The following ZBBX variants were observed in gnomAD, a reference collection of about 807,000 sequenced individuals.
ZBBX encodes zinc finger B-box domain containing, also known as zinc finger B-box domain-containing protein 1.
A neutral mutation model predicts 108.5 loss-of-function variants in ZBBX; 101 were observed. The ratio of observed to expected loss-of-function variants is 0.93; its 90% CI spans 0.79 to 1.10. ZBBX has a LOEUF of 1.10. ZBBX is among the 50% of genes least tolerant of loss of function. The pLI is 0.00. For missense variants in ZBBX, 1,009 were observed against 941.4 expected (o/e 1.07, Z -0.94); for synonymous variants, 356 against 323.4 (o/e 1.10, Z -1.08).
At chr3:167,399,611 G>A (rs1748354777) in intron 1 of ZBBX, 1 of 152,106 alleles carries the variant, frequency 6.6e-6, no homozygotes, top group Admixed American at 6.5e-5. Flanking sequence ...TGCCATAGGG[G>A]GAGACCTTAG....
intron 20 of ZBBX, among the ~76,000 whole-genome samples, chr3:167,275,228 C>T (rs1727305197): frequency 6.6e-6 from 1 of 151,994 alleles, no homozygotes; most frequent in South Asian, 2.1e-4. Context: ...TCTATGTTTA[C>T]TTATGATATA....
At chr3:167,212,295 G>A in the ZBBX span, among the ~76,000 whole-genome samples, 7 of 152,070 alleles carry the variant, frequency 4.6e-5, no homozygotes, top group Non-Finnish European at 8.8e-5. Flanking sequence ...TCTTCTCACC[G>A]AGCAGTTCTT....
intron 18 of ZBBX, among the ~76,000 whole-genome samples, chr3:167,290,280 C>T (rs1187056029): frequency 1.3e-5 from 2 of 152,128 alleles, no homozygotes; most frequent in East Asian, 1.9e-4. Context: ...CAGCAGAGGC[C>T]GACAGACACC....
intron 18 of ZBBX, among the ~76,000 whole-genome samples, chr3:167,292,073 C>A (rs1393280260): frequency 2.0e-5 from 3 of 152,120 alleles, no homozygotes; most frequent in Non-Finnish European, 2.9e-5. Flanking sequence ...TTGGAGACTA[C>A]AAAGAGATGT....
the ZBBX span, among the ~76,000 whole-genome samples, chr3:167,215,360 C>T: frequency 6.6e-6 from 1 of 152,076 alleles, no homozygotes; most frequent in East Asian, 1.9e-4. Context: ...CCTCTATGTA[C>T]ACAAACTAGA....
intron 20 of ZBBX, among the ~76,000 whole-genome samples, chr3:167,275,273 G>A (rs1001070987): frequency 2.0e-5 from 3 of 152,112 alleles, no homozygotes; most frequent in African/African-American, 7.2e-5. Flanking sequence ...CACTTGGGAG[G>A]AGCCAAGATG....
intron 20 of ZBBX, among the ~76,000 whole-genome samples, chr3:167,269,320 C>T (rs1018764914): frequency 1.3e-5 from 2 of 152,184 alleles, no homozygotes; most frequent in African/African-American, 4.8e-5. Flanking sequence ...AAGCAAAAGT[C>T]TTAGAAAGTA....
At chr3:167,229,414 T>C in the ZBBX span, among the ~76,000 whole-genome samples, 1 of 151,910 alleles carries the variant, frequency 6.6e-6, no homozygotes, top group Non-Finnish European at 1.5e-5. Flanking sequence ...ATAAATTGCT[T>C]GAGGCAGAAT....
chr3:167,327,750 C>T (rs1425302639), intron 11 of ZBBX, among the ~76,000 whole-genome samples, 192 bp downstream of exon 11: 1 of 151,826 alleles, frequency 6.6e-6, no homozygotes, highest in Admixed American at 6.6e-5. Context: ...CCCGTCTCTA[C>T]TAAAAATACA....
At chr3:167,320,716 G>A (rs756258413) in intron 12 of ZBBX, among the ~76,000 whole-genome samples, 8 of 151,986 alleles carry the variant, frequency 5.3e-5, no homozygotes, top group Non-Finnish European at 1.0e-4. Flanking sequence ...TCTGTAATAA[G>A]ATATATTGAC....
At chr3:167,225,356 A>G in the ZBBX span, among the ~76,000 whole-genome samples, 3 of 151,876 alleles carry the variant, frequency 2.0e-5, no homozygotes, top group Non-Finnish European at 2.9e-5. Flanking sequence ...TGTCTTCACC[A>G]TCATCACGAA....
intron 20 of ZBBX, among the ~76,000 whole-genome samples, chr3:167,263,708 G>T (rs1724985665): frequency 6.6e-6 from 1 of 152,192 alleles, no homozygotes; most frequent in Admixed American, 6.5e-5. Context: ...TGGATGAAAT[G>T]TTCTGTAAAT....
At chr3:167,281,134 G>C (rs1175924575) in intron 20 of ZBBX, among the ~76,000 whole-genome samples, 1 of 152,064 alleles carries the variant, frequency 6.6e-6, no homozygotes, top group Non-Finnish European at 1.5e-5. Flanking sequence ...CGATAGCATT[G>C]GGCAATATAC....
chr3:167,344,107 A>G (rs959472827), intron 9 of ZBBX, among the ~76,000 whole-genome samples: 2 of 151,926 alleles, frequency 1.3e-5, no homozygotes, highest in Non-Finnish European at 2.9e-5. Context: ...AAGTAAAAGA[A>G]GCCACTCATA....
rs368088387 is a variant in ZBBX, at chr3:167,368,494, C to T, written c.149G>A (p.Arg50Gln). 7.4e-6 allele frequency: 12 copies of T among 1,611,954 alleles called. No individual in the cohort carries two copies. The African/African-American group carries it at 8.0e-5, about 11-fold the overall frequency. The change falls in exon 5 of 22, where the codon CGA becomes CAA. Residue 50 changes from arginine (R) to glutamine (Q), a missense_variant. By Grantham distance (43) the Arg-to-Gln change is conservative. Coordinates refer to ENST00000675490, the MANE Select transcript of ZBBX (RefSeq NM_001199201.2). ...TTCCTTTTCTTTGTTTCTTGTGGAT[C>T]GGAATTCTTGCAGTTTCTTCTCCAT... Reference protein sequence around the residue: ...QEMEKKLQEFRSTRNKEKEDR... With the variant: ...QEMEKKLQEFQSTRNKEKEDR...
At chr3:167,183,186 G>C in the ZBBX span, among the ~76,000 whole-genome samples, 1 of 152,142 alleles carries the variant, frequency 6.6e-6, no homozygotes, top group Non-Finnish European at 1.5e-5. Flanking sequence ...CACCTCTTCT[G>C]TTACTTCGTT....
intron 4 of ZBBX, among the ~76,000 whole-genome samples, chr3:167,371,450 T>C (rs918178315): frequency 1.3e-5 from 2 of 152,178 alleles, no homozygotes; most frequent in Non-Finnish European, 2.9e-5. Flanking sequence ...CCTAGTCCCT[T>C]GCCTTTACAC....
At chr3:167,358,528 T>C (rs1743964183) in intron 8 of ZBBX, among the ~76,000 whole-genome samples, 1 of 152,200 alleles carries the variant, frequency 6.6e-6, no homozygotes, top group African/African-American at 2.4e-5. Context: ...TTATGTTATA[T>C]GTATTTCACT....
intron 8 of ZBBX, among the ~76,000 whole-genome samples, chr3:167,352,348 T>C (rs1414840608): frequency 2.0e-5 from 3 of 152,114 alleles, no homozygotes; most frequent in Non-Finnish European, 4.4e-5. Context: ...CAGAGACTAC[T>C]ATGAGCATCT....
Sources: allele counts gnomAD v4.1 joint callset (sites outside exome capture counted in the v4.1 genomes callset), GRCh38; gene constraint gnomAD v4.1.1; transcripts MANE v1.5; gene names NCBI Gene and HGNC (gene_info 2026-07-23, HGNC 2026-07-21).